Variants in IGSF11 observed in about 807,000 individuals in gnomAD.
IGSF11 encodes the protein immunoglobulin superfamily member 11, also known as CXADR like 1.
IGSF11 carries 22 observed loss-of-function variants against 41.0 expected under a neutral mutation model. The ratio of observed to expected loss-of-function variants is 0.54; its 90% CI spans 0.38 to 0.77. The LOEUF (loss-of-function observed/expected upper bound fraction) is 0.77. Among genes scored for constraint, IGSF11 ranks in the 30% least tolerant of loss-of-function variants. The pLI is 0.00. For synonymous variants in IGSF11, 219 were observed against 201.3 expected (o/e 1.09, Z -0.74); for missense variants, 444 against 530.8 (o/e 0.84, Z 1.61).
At chr3:119,017,039 C>CAAAAAAAAAAAAA (rs60190891) in intron 1 of IGSF11, among the ~76,000 whole-genome samples, 1 of 88,320 alleles carries the variant, frequency 1.1e-5, no homozygotes, top group African/African-American at 3.7e-5. Flanking sequence ...GGACGCAGGA[C>CAAAAAAAAAAAAA]AAAAAAAAAA....
upstream of IGSF11, among the ~76,000 whole-genome samples, chr3:119,107,764 A>G (rs1298291484): frequency 2.0e-5 from 3 of 152,226 alleles, no homozygotes; most frequent in East Asian, 1.9e-4. Flanking sequence ...TAATTTTTCT[A>G]TAAGGTGTAA....
intron 1 of IGSF11, among the ~76,000 whole-genome samples, chr3:118,969,921 T>C (rs1404760336): frequency 6.6e-6 from 1 of 152,222 alleles, no homozygotes; most frequent in Non-Finnish European, 1.5e-5. Context: ...TCCTCATCTC[T>C]GCCACAAGCC....
intron 1 of IGSF11, among the ~76,000 whole-genome samples, chr3:119,009,844 A>G (rs992249820): frequency 5.9e-5 from 9 of 152,204 alleles, no homozygotes; most frequent in African/African-American, 2.2e-4. Context: ...AAGGCAAGGT[A>G]CTATAAGGAA....
In IGSF11 at chr3:119,029,173, T is replaced by TACACACACACACACACACACACACAC. The variant is rs66598029; in HGVS notation, c.52+5332_52+5357dup. Among the ~76,000 whole-genome samples, 77 of 111,564 alleles carry TACACACACACACACACACACACACAC rather than the reference T, an allele frequency of 6.9e-4. 2 individuals carry two copies. The highest frequency in any genetic ancestry group is 1.0e-3 in the Non-Finnish European group (58 of 56,010). 73.2% of individuals were successfully genotyped at this position (111,564 alleles called of 152,430 possible). A position where few individuals can be genotyped will look rare whatever the true frequency, so the allele number is the denominator to read the frequency against. ...ACATGGTACTGCCTTTTGGGGATAA[T>TACACACACACACACACACACACACAC]ACACACACACACACACACACACACA... On this transcript the variant is annotated intron_variant, in intron 1 of 6. Coordinates refer to ENST00000393775, the MANE Select transcript of IGSF11 (RefSeq NM_001015887.3).
At chr3:118,992,631 C>T (rs1439239017) in intron 1 of IGSF11, among the ~76,000 whole-genome samples, 1 of 152,176 alleles carries the variant, frequency 6.6e-6, no homozygotes, top group African/African-American at 2.4e-5. Flanking sequence ...GATCCTGCGA[C>T]TATAGAAGTT....
chr3:119,109,271 G>C (rs1328287920), upstream of IGSF11, among the ~76,000 whole-genome samples: 1 of 150,534 alleles, frequency 6.6e-6, no homozygotes, highest in African/African-American at 2.4e-5. Context: ...TTCAGATCCT[G>C]TTATTGGTCT....
chr3:119,001,897 G>A (rs1461520624), intron 1 of IGSF11, among the ~76,000 whole-genome samples: 2 of 131,128 alleles, frequency 1.5e-5, no homozygotes, highest in Admixed American at 1.5e-4. Flanking sequence ...TTGGTTCCAA[G>A]TCTTTGCTAT....
At chr3:119,085,394 T>C (rs1048577425) in intron 1 of IGSF11, among the ~76,000 whole-genome samples, 1 of 152,162 alleles carries the variant, frequency 6.6e-6, no homozygotes, top group East Asian at 1.9e-4. Context: ...ACCGACTGTG[T>C]ACTCAAATTT....
intron 1 of IGSF11, among the ~76,000 whole-genome samples, chr3:118,997,272 A>G (rs1936365687): frequency 6.6e-6 from 1 of 152,242 alleles, no homozygotes; most frequent in Non-Finnish European, 1.5e-5. Context: ...TACGGTAAAC[A>G]GGACTAAGAC....
intron 1 of IGSF11, among the ~76,000 whole-genome samples, chr3:118,980,533 G>A (rs922088686): frequency 6.6e-6 from 1 of 152,184 alleles, no homozygotes; most frequent in African/African-American, 2.4e-5. Flanking sequence ...AAGGGTAGAG[G>A]GTGGAAGTGA....
chr3:119,007,992 G>A (rs1296934876), intron 1 of IGSF11, among the ~76,000 whole-genome samples: 1 of 151,746 alleles, frequency 6.6e-6, no homozygotes, highest in East Asian at 1.9e-4. Context: ...CCTAATCATC[G>A]ACTCAAAAGT....
intron 1 of IGSF11, among the ~76,000 whole-genome samples, chr3:119,044,162 A>C (rs1941227441): frequency 6.6e-6 from 1 of 152,210 alleles, no homozygotes; most frequent in South Asian, 2.1e-4. Flanking sequence ...CTAAAAAACA[A>C]CACAGGATAT....
At chr3:119,024,469 T>C (rs546212114) in intron 1 of IGSF11, among the ~76,000 whole-genome samples, 2 of 152,288 alleles carry the variant, frequency 1.3e-5, no homozygotes, top group East Asian at 3.9e-4. Context: ...TTAAGTTTTG[T>C]CAATGTAACT....
At chr3:119,043,136 G>A (rs974040774) in intron 1 of IGSF11, among the ~76,000 whole-genome samples, 2 of 152,172 alleles carry the variant, frequency 1.3e-5, no homozygotes, top group African/African-American at 4.8e-5. Context: ...AGCTATGCAG[G>A]AACAATGGCA....
chr3:118,947,185 A>G (rs1205397196), intron 1 of IGSF11: 1 of 152,160 alleles, frequency 6.6e-6, no homozygotes, highest in Non-Finnish European at 1.5e-5. Context: ...CAACATTCCA[A>G]TTTAATCCTT....
intron 1 of IGSF11, among the ~76,000 whole-genome samples, chr3:118,942,214 A>T (rs144651585): frequency 6.6e-6 from 1 of 152,334 alleles, no homozygotes; most frequent in African/African-American, 2.4e-5. Context: ...TTGAAAAACA[A>T]ATTAAGGGCT....
intron 1 of IGSF11, among the ~76,000 whole-genome samples, chr3:118,984,227 C>CAG (rs1212398047): frequency 6.6e-6 from 1 of 150,944 alleles, no homozygotes; most frequent in African/African-American, 2.4e-5. Flanking sequence ...AAGTATCCTT[C>CAG]CCCTCCCCTT....
intron 1 of IGSF11, among the ~76,000 whole-genome samples, chr3:118,938,144 G>A (rs974074741): frequency 6.6e-6 from 1 of 151,746 alleles, no homozygotes; most frequent in African/African-American, 2.4e-5. Flanking sequence ...ATATTACGTG[G>A]GTAGCATTAA....
intron 4 of IGSF11, among the ~76,000 whole-genome samples, chr3:118,913,484 G>T (rs1940615296): frequency 6.6e-6 from 1 of 152,136 alleles, no homozygotes; most frequent in Admixed American, 6.5e-5. Flanking sequence ...AAACAAGAAA[G>T]GTGGGAAGAA....
Sources: allele counts gnomAD v4.1 joint callset (sites outside exome capture counted in the v4.1 genomes callset), GRCh38; gene constraint gnomAD v4.1.1; transcripts MANE v1.5; gene names NCBI Gene and HGNC (gene_info 2026-07-23, HGNC 2026-07-21).